Variants in EPM2A observed in about 807,000 individuals in gnomAD.
EPM2A encodes the protein EPM2A glucan phosphatase, laforin.
A neutral mutation model predicts 26.5 loss-of-function variants in EPM2A; 21 were observed. The ratio of observed to expected loss-of-function variants is 0.79; its 90% CI spans 0.56 to 1.14. The LOEUF is 1.14. Among genes scored for constraint, EPM2A ranks in the 50% most tolerant of loss-of-function variants. The pLI is 0.00. For missense variants in EPM2A, 458 were observed against 440.8 expected, an observed-to-expected ratio of 1.04 and a Z score of -0.35; for synonymous variants, 217 against 177.6, an observed-to-expected ratio of 1.22 and a Z score of -1.76.
At position 145,545,875 on chromosome 6, in the gene EPM2A, C is replaced by G. The variant is rs576070777; in HGVS notation, c.341-43300G>C. ...TAACAACTTTCCTTCCCTTTTTCTT[C>G]GCGTACACTTAGATCTGAAGGGTGT... On this transcript the variant is annotated intron_variant, in intron 2 of 3. Transcript: ENST00000450221. Among the ~76,000 whole-genome samples, 33 of 152,158 alleles carry G rather than the reference C, an allele frequency of 2.2e-4. No individual in the cohort carries two copies. The South Asian group carries it at 6.2e-3, about 29-fold the overall frequency.
intron 2 of EPM2A, chr6:145,684,676 T>A (rs1172668508): frequency 6.6e-6 from 1 of 152,148 alleles, no homozygotes; most frequent in Non-Finnish European, 1.5e-5. Flanking sequence ...ATTTCTGACA[T>A]CAAATCAATT....
chr6:145,544,572 C>T (rs1001585595), intron 2 of EPM2A, among the ~76,000 whole-genome samples: 3 of 152,172 alleles, frequency 2.0e-5, no homozygotes, highest in Non-Finnish European at 4.4e-5. Context: ...GAAAGCCTGA[C>T]AAACATCCTG....
intron 1 of EPM2A, among the ~76,000 whole-genome samples, chr6:145,692,060 A>C (rs1781312929): frequency 6.6e-6 from 1 of 152,046 alleles, no homozygotes; most frequent in Non-Finnish European, 1.5e-5. Context: ...ATTAATCAAA[A>C]AGCAGGAGTA....
chr6:145,581,313 C>T (rs899968958), intron 2 of EPM2A, among the ~76,000 whole-genome samples: 2 of 151,968 alleles, frequency 1.3e-5, no homozygotes, highest in African/African-American at 4.8e-5. Flanking sequence ...GAAAAAGTGC[C>T]TTTTATGTCT....
chr6:145,719,343 A>G (rs1775822363), intron 1 of EPM2A, among the ~76,000 whole-genome samples: 1 of 150,788 alleles, frequency 6.6e-6, no homozygotes, highest in East Asian at 1.9e-4. Flanking sequence ...GAAATTGGAA[A>G]TCATCATTCT....
intron 2 of EPM2A, among the ~76,000 whole-genome samples, chr6:145,562,379 A>G (rs1027253188): frequency 5.3e-5 from 8 of 152,174 alleles, no homozygotes. Flanking sequence ...AAAAGATTAC[A>G]GTTCTTCAGG....
chr6:145,493,503 G>A (rs1164148794), intron 4 of EPM2A, among the ~76,000 whole-genome samples: 1 of 152,152 alleles, frequency 6.6e-6, no homozygotes, highest in East Asian at 1.9e-4. Context: ...TGATTGCTCT[G>A]GCTAGAACTT....
chr6:145,406,933 T>C (rs555575084), intron 4 of EPM2A, among the ~76,000 whole-genome samples: 9 of 152,236 alleles, frequency 5.9e-5, no homozygotes, highest in South Asian at 2.1e-4. Flanking sequence ...TGAGAACCAC[T>C]TATCTAGAAG....
At chr6:145,675,777 T>A (rs913509014) in intron 2 of EPM2A, among the ~76,000 whole-genome samples, 1 of 152,148 alleles carries the variant, frequency 6.6e-6, no homozygotes, top group Non-Finnish European at 1.5e-5. Flanking sequence ...CCCAGATTCA[T>A]AAAGCAAGTC....
intron 2 of EPM2A, among the ~76,000 whole-genome samples, chr6:145,533,606 G>T (rs1446027357): frequency 6.6e-6 from 1 of 152,046 alleles, no homozygotes; most frequent in Non-Finnish European, 1.5e-5. Flanking sequence ...GCTCATTCTT[G>T]TTTGGGGAAA....
At chr6:145,469,191 C>G (rs1779439346) in intron 4 of EPM2A, among the ~76,000 whole-genome samples, 1 of 151,952 alleles carries the variant, frequency 6.6e-6, no homozygotes. Flanking sequence ...ACAGGAGGAA[C>G]TATCAAACAC....
chr6:145,603,645 C>T (rs148758930), intron 2 of EPM2A, among the ~76,000 whole-genome samples: 128 of 152,278 alleles, frequency 8.4e-4, no homozygotes, highest in Non-Finnish European at 1.2e-3. Flanking sequence ...CCTGCACTTA[C>T]CATTATTACC....
At chr6:145,412,214 C>A (rs1333897147) in intron 4 of EPM2A, among the ~76,000 whole-genome samples, 867 of 113,594 alleles carry the variant, frequency 7.6e-3, no homozygotes, top group East Asian at 9.5e-3. Flanking sequence ...GACTCTGTCT[C>A]AAAAAAAAAA....
intron 2 of EPM2A, among the ~76,000 whole-genome samples, chr6:145,512,369 TA>T (rs1211070663): frequency 6.6e-6 from 1 of 151,982 alleles, no homozygotes; most frequent in Non-Finnish European, 1.5e-5. Flanking sequence ...CTACAGCAAC[TA>T]AAATACCATG....
chr6:145,696,823 GT>G (rs1781614925), intron 1 of EPM2A, among the ~76,000 whole-genome samples: 3 of 132,262 alleles, frequency 2.3e-5, no homozygotes, highest in Admixed American at 1.5e-4. Flanking sequence ...GTGTGTGTGT[GT>G]GTGGTGTGTT....
downstream of EPM2A, among the ~76,000 whole-genome samples, chr6:145,621,836 A>G (rs1739531827): frequency 6.6e-6 from 1 of 151,972 alleles, no homozygotes; most frequent in Admixed American, 6.6e-5. Context: ...ATGCATTTGG[A>G]TATTAACTCC....
chr6:145,565,367 C>G (rs1198752692), intron 2 of EPM2A, among the ~76,000 whole-genome samples: 1 of 152,176 alleles, frequency 6.6e-6, no homozygotes, highest in Non-Finnish European at 1.5e-5. Flanking sequence ...ACCCGTGCAG[C>G]TGTATCTTCA....
chr6:145,487,561 G>A (rs1373782004), intron 4 of EPM2A, among the ~76,000 whole-genome samples: 2 of 152,006 alleles, frequency 1.3e-5, no homozygotes, highest in Non-Finnish European at 2.9e-5. Flanking sequence ...GGTATCACAT[G>A]GTAGTTTTGA....
intron 2 of EPM2A, among the ~76,000 whole-genome samples, chr6:145,591,574 C>T (rs1411479973): frequency 1.3e-5 from 2 of 152,018 alleles, no homozygotes; most frequent in Non-Finnish European, 2.9e-5. Flanking sequence ...AACAAATCAC[C>T]AACTTAGAAC....
Sources: allele counts gnomAD v4.1 joint callset (sites outside exome capture counted in the v4.1 genomes callset), GRCh38; gene constraint gnomAD v4.1.1; transcripts MANE v1.5; gene names NCBI Gene and HGNC (gene_info 2026-07-23, HGNC 2026-07-21).